Variants in THEMIS observed in about 807,000 individuals in gnomAD.
THEMIS encodes the protein protein THEMIS.
In THEMIS, 37 loss-of-function variants were observed where a neutral mutation model predicts 52.6. The observed-to-expected ratio is 0.70, with a 90% CI of 0.54 to 0.93. THEMIS has a LOEUF of 0.93. THEMIS is among the 40% of genes least tolerant of loss of function. The pLI, the probability that THEMIS is intolerant of heterozygous loss-of-function variation, is 0.00. For synonymous variants in THEMIS, 292 were observed against 272.7 expected, an observed-to-expected ratio of 1.07 and a Z score of -0.70; for missense variants, 808 against 763.1, an observed-to-expected ratio of 1.06 and a Z score of -0.69.
intron 4 of THEMIS, among the ~76,000 whole-genome samples, chr6:127,754,301 C>G (rs181973020): frequency 6.8e-4 from 103 of 152,224 alleles, no homozygotes; most frequent in East Asian, 6.0e-3. Context: ...TGTAGCTGAG[C>G]TTTAACACAA....
intron 1 of THEMIS, among the ~76,000 whole-genome samples, chr6:127,860,088 T>C (rs945719019): frequency 1.3e-5 from 2 of 152,088 alleles, no homozygotes; most frequent in Non-Finnish European, 2.9e-5. Flanking sequence ...AACCTCTAGA[T>C]AGGCGACCAC....
chr6:127,699,035 C>T, the THEMIS span, among the ~76,000 whole-genome samples: 1 of 129,322 alleles, frequency 7.7e-6, no homozygotes, highest in South Asian at 2.2e-4. Flanking sequence ...CTAGTATCTC[C>T]ACTCTCTTCA....
At chr6:127,856,644 A>T (rs1779627955) in intron 1 of THEMIS, among the ~76,000 whole-genome samples, 2 of 151,984 alleles carry the variant, frequency 1.3e-5, no homozygotes, top group South Asian at 4.1e-4. Context: ...TAAAGAATAC[A>T]TATTAAGGAT....
chr6:127,915,743 T>C lies in THEMIS; in HGVS notation c.-150+2685A>G, dbSNP rs574230121. On this transcript the variant is annotated intron_variant, in intron 1 of 6. Coordinates refer to the THEMIS transcript ENST00000368250. ...GGCTCACGCCTGTAATCCCAGCACTTTGGGAGGCCAAGGTGGGTGGATCAC... is the reference window on the plus strand; with the variant it reads ...GGCTCACGCCTGTAATCCCAGCACTCTGGGAGGCCAAGGTGGGTGGATCAC... Among the ~76,000 whole-genome samples the C allele has an allele frequency of 2.0e-5, 3 of 152,202 alleles. No homozygotes were observed. The East Asian group carries it at 5.8e-4, about 29-fold the overall frequency.
At chr6:127,876,390 A>G (rs376431186) in intron 1 of THEMIS, among the ~76,000 whole-genome samples, 4 of 152,340 alleles carry the variant, frequency 2.6e-5, no homozygotes, top group South Asian at 4.1e-4. Context: ...GGAAGGAAGC[A>G]AAGAGTTCAG....
chr6:127,791,295 G>A (rs1226397112), intron 4 of THEMIS, among the ~76,000 whole-genome samples: 1 of 152,146 alleles, frequency 6.6e-6, no homozygotes, highest in African/African-American at 2.4e-5. Context: ...TATCTGTTCA[G>A]CTGTCAGCAG....
At chr6:127,785,244 C>A (rs1776902342) in intron 4 of THEMIS, among the ~76,000 whole-genome samples, 1 of 151,012 alleles carries the variant, frequency 6.6e-6, no homozygotes, top group South Asian at 2.1e-4. Flanking sequence ...ATCTATCTAT[C>A]TATCTATCAT....
At chr6:127,886,660 G>A (rs778198195) in intron 1 of THEMIS, among the ~76,000 whole-genome samples, 22 of 152,124 alleles carry the variant, frequency 1.4e-4, no homozygotes, top group East Asian at 3.9e-4. Context: ...AAAAAACCTC[G>A]GACATGAAAG....
the THEMIS span, among the ~76,000 whole-genome samples, chr6:127,699,892 G>A: frequency 2.6e-5 from 4 of 151,766 alleles, no homozygotes; most frequent in Non-Finnish European, 4.4e-5. Context: ...TTCATGACTT[G>A]TGTTGGGCAA....
chr6:127,831,707 C>A (rs996976791), intron 2 of THEMIS, among the ~76,000 whole-genome samples: 7 of 152,052 alleles, frequency 4.6e-5, no homozygotes, highest in Non-Finnish European at 8.8e-5. Flanking sequence ...GTGACTGATG[C>A]AATCTTGGCA....
At chr6:127,868,524 C>T in intron 1 of THEMIS, 5 of 973,144 alleles carry the variant, frequency 5.1e-6, no homozygotes, top group Middle Eastern at 5.3e-4. Flanking sequence ...TACAGATGTG[C>T]CAACATATTG....
intron 4 of THEMIS, among the ~76,000 whole-genome samples, chr6:127,811,638 T>C (rs1293357891): frequency 6.6e-6 from 1 of 152,168 alleles, no homozygotes; most frequent in Admixed American, 6.5e-5. Context: ...GGCATATAAA[T>C]ATTTGAGTGA....
At chr6:127,792,128 G>A (rs747987400) in intron 4 of THEMIS, among the ~76,000 whole-genome samples, 4 of 152,186 alleles carry the variant, frequency 2.6e-5, no homozygotes, top group Non-Finnish European at 5.9e-5. Flanking sequence ...AGCCCTGGCT[G>A]TGCCTCCCCC....
At chr6:127,877,239 A>G (rs543985002) in intron 1 of THEMIS, among the ~76,000 whole-genome samples, 49 of 152,198 alleles carry the variant, frequency 3.2e-4, no homozygotes, top group Non-Finnish European at 4.7e-4. Context: ...TATTCACACC[A>G]CTAAAACTTT....
At chr6:127,759,585 T>C (rs1373166525) in intron 4 of THEMIS, among the ~76,000 whole-genome samples, 1 of 152,196 alleles carries the variant, frequency 6.6e-6, no homozygotes, top group East Asian at 1.9e-4. Context: ...AGAGTCAACC[T>C]TAACACTTTA....
At chr6:127,751,342 A>G (rs1775637646) in intron 4 of THEMIS, among the ~76,000 whole-genome samples, 1 of 151,770 alleles carries the variant, frequency 6.6e-6, no homozygotes, top group Admixed American at 6.6e-5. Flanking sequence ...AATAACAAAG[A>G]AAAACCTTTA....
chr6:127,819,120 A>T (rs1448420889), intron 3 of THEMIS, among the ~76,000 whole-genome samples: 2 of 7,308 alleles, frequency 2.7e-4, no homozygotes, highest in Non-Finnish European at 3.3e-4. Flanking sequence ...ACTCTGTCTA[A>T]AAAAAAAAAA....
chr6:127,857,129 C>A (rs576880398), intron 1 of THEMIS, among the ~76,000 whole-genome samples: 1 of 151,108 alleles, frequency 6.6e-6, no homozygotes, highest in East Asian at 1.9e-4. Context: ...AGATAAAATG[C>A]ATTATTCATT....
intron 1 of THEMIS, among the ~76,000 whole-genome samples, chr6:127,869,981 T>C (rs1780106810): frequency 6.6e-6 from 1 of 152,130 alleles, no homozygotes. Flanking sequence ...CACTCCCCCA[T>C]TTTTTGCTTG....
Sources: allele counts gnomAD v4.1 joint callset (sites outside exome capture counted in the v4.1 genomes callset), GRCh38; gene constraint gnomAD v4.1.1; transcripts MANE v1.5; gene names NCBI Gene and HGNC (gene_info 2026-07-23, HGNC 2026-07-21).